Variants in BCL9L observed in about 807,000 individuals in gnomAD.
The protein encoded by BCL9L is B-cell CLL/lymphoma 9-like protein.
Under a neutral mutation model 99.4 loss-of-function variants are expected in BCL9L, and 19 were observed. The ratio of observed to expected loss-of-function variants is 0.19; its 90% CI spans 0.13 to 0.28. BCL9L has a LOEUF of 0.28. Among genes scored for constraint, BCL9L ranks in the 10% least tolerant of loss-of-function variants. The pLI is 1.00. For missense variants in BCL9L, 2,023 were observed against 2,101.6 expected (o/e 0.96, Z 0.73); for synonymous variants, 900 against 854.8 (o/e 1.05, Z -0.92).
At chr11:118,909,840 G>T (rs933951473) in intron 3 of BCL9L, 74 bp downstream of exon 3, 4 of 1,610,874 alleles carry the variant, frequency 2.5e-6, no homozygotes, top group Non-Finnish European at 3.4e-6. Context: ...CACAGCTTGG[G>T]CCCCATCACC....
intron 3 of BCL9L, 45 bp from the exon 4 acceptor site, chr11:118,908,700 G>C: frequency 6.5e-7 from 1 of 1,542,832 alleles, no homozygotes; most frequent in East Asian, 2.3e-5. Context: ...CTTGCTAGGG[G>C]CTAGGCATGC....
In BCL9L at chr11:118,898,271, C is replaced by T. The variant is rs1940005873; in HGVS notation, c.*144G>A. ...CTAAGCTGCCAGCACATCTGGTTTC[C>T]ACAAATGCCACTCCCTACACAAGCC... On this transcript the variant is annotated 3_prime_UTR_variant, in exon 10 of 10. Coordinates refer to ENST00000683865, the MANE Select transcript of BCL9L (RefSeq NM_001378213.1). The T allele has an allele frequency of 9.2e-6, 10 of 1,083,396 alleles. No homozygotes were observed. In the South Asian group the frequency reaches 1.7e-4, roughly 18 times the overall value. The allele number at this position is 1,083,396 out of a possible 1,614,324, so 67.1% of individuals were successfully genotyped here. A position where few individuals can be genotyped will look rare whatever the true frequency, so the allele number is the denominator to read the frequency against.
intron 2 of BCL9L, among the ~76,000 whole-genome samples, chr11:118,913,705 C>G (rs566260353): frequency 6.7e-6 from 1 of 149,782 alleles, no homozygotes; most frequent in African/African-American, 2.5e-5. Context: ...GCCCAAGGCT[C>G]TGGGAGAGAG....
At position 118,898,304 on chromosome 11, in the gene BCL9L, A is replaced by ACCCCCCCCCCCCCCCCCCCCCCCC; in HGVS notation, c.*110_*111insGGGGGGGGGGGGGGGGGGGGGGGG. ...CCACTCCCTACACAAGCCCCCTCCCACCCCCTCCACCCCACCCCGCGACCC... is the reference window on the plus strand; with the variant it reads ...CCACTCCCTACACAAGCCCCCTCCCACCCCCCCCCCCCCCCCCCCCCCCCCCCCCTCCACCCCACCCCGCGACCC... On this transcript the variant is annotated 3_prime_UTR_variant, in exon 10 of 10. Transcript: ENST00000683865. 1.0e-5 allele frequency: 2 copies of ACCCCCCCCCCCCCCCCCCCCCCCC among 193,448 alleles called. No homozygotes were observed. Among genetic ancestry groups the ACCCCCCCCCCCCCCCCCCCCCCCC allele is most frequent in the Non-Finnish European group, 9.2e-6 (1 of 108,398 alleles). 12.0% of individuals were successfully genotyped at this position (193,448 alleles called of 1,614,324 possible). A position where few individuals can be genotyped will look rare whatever the true frequency, so the allele number is the denominator to read the frequency against.
rs369209465 is a variant in BCL9L at position 118,900,733 on chromosome 11, A to T, written c.3010T>A (p.Ser1004Thr). The change falls in exon 8 of 10, where the codon TCT becomes ACT. Residue 1004 changes from serine to threonine, a missense_variant. This residue lies in a region of BCL9L where 902 missense variants were observed against 888.2 expected (regional missense o/e 1.02). Transcript: ENST00000683865. This position sits in a 1 kb window ranked among gnomAD's most constrained non-coding sequence, Gnocchi z 5.3. ...RLKSPSMAVP[S>T]PGWVASPKTA... ...TTAGGTGAGGCAACCCAGCCTGGAG[A>T]AGGCACCGCCATGGAAGGAGACTTG... 2 of 1,613,700 alleles carry T rather than the reference A, an allele frequency of 1.2e-6. No individual in the cohort carries two copies. Among genetic ancestry groups the T allele is most frequent in the African/African-American group, 2.7e-5 (2 of 74,900 alleles).
intron 1 of BCL9L, among the ~76,000 whole-genome samples, chr11:118,919,987 C>T (rs1229794951): frequency 6.6e-6 from 1 of 152,168 alleles, no homozygotes; most frequent in African/African-American, 2.4e-5. Context: ...AACCTGTACC[C>T]CTCCCTTCCT....
At chr11:118,904,369 G>A (rs1456230314) in intron 5 of BCL9L, among the ~76,000 whole-genome samples, 1 of 151,140 alleles carries the variant, frequency 6.6e-6, no homozygotes, top group East Asian at 1.9e-4. Context: ...GAACTTAGGA[G>A]GTGGAAGTTG....
In BCL9L at chr11:118,896,256, G is replaced by T. The variant is rs1939914889; in HGVS notation, c.*2159C>A. ...GTTTCAAAATAAAAACCAAGAAGAT[G>T]TCTTCACATATTGTATTTATATATT... On this transcript the variant is annotated 3_prime_UTR_variant, in exon 10 of 10. Coordinates refer to ENST00000683865, the MANE Select transcript of BCL9L (RefSeq NM_001378213.1). The T allele has an allele frequency of 6.0e-6, 1 of 165,792 alleles. No homozygotes were observed. Among genetic ancestry groups the T allele is most frequent in the African/African-American group, 2.4e-5 (1 of 41,274 alleles). 10.3% of individuals were successfully genotyped at this position (165,792 alleles called of 1,614,324 possible).
rs1324106766 is a variant in BCL9L, at chr11:118,897,682, A to G, written c.*733T>C. On this transcript the variant is annotated 3_prime_UTR_variant, in exon 10 of 10. Coordinates refer to ENST00000683865, the MANE Select transcript of BCL9L (RefSeq NM_001378213.1). ...CACTGCAAACAGTGGGTGGCCATGT[A>G]GGGCTGCATGTCCCTGGGTCCAGGG... 1 of 421,664 alleles carries G rather than the reference A, an allele frequency of 2.4e-6. No individual in the cohort carries two copies. Among genetic ancestry groups the G allele is most frequent in the Non-Finnish European group, 4.7e-6 (1 of 213,818 alleles). The allele number at this position is 421,664 out of a possible 1,614,324, so 26.1% of individuals were successfully genotyped here. A position where few individuals can be genotyped will look rare whatever the true frequency, so the allele number is the denominator to read the frequency against.
chr11:118,915,443 C>T (rs936973584), intron 2 of BCL9L, among the ~76,000 whole-genome samples: 1 of 152,212 alleles, frequency 6.6e-6, no homozygotes, highest in Admixed American at 6.5e-5. Context: ...AGAACAGGGC[C>T]TGTGGGCATC....
intron 4 of BCL9L, 94 bp downstream of exon 4, chr11:118,908,176 T>A: frequency 1.4e-6 from 2 of 1,469,608 alleles, no homozygotes; most frequent in Non-Finnish European, 1.8e-6. Flanking sequence ...GGATGAGGAC[T>A]GGACAAGCAG....
chr11:118,917,040 C>T (rs1395489838), intron 2 of BCL9L, among the ~76,000 whole-genome samples: 8 of 152,208 alleles, frequency 5.3e-5, no homozygotes, highest in Admixed American at 2.0e-4. Flanking sequence ...GCGAGGGAGA[C>T]GTGTCCTAAG....
chr11:118,908,752 G>A, intron 3 of BCL9L, 97 bp from the exon 4 acceptor site: 2 of 993,566 alleles, frequency 2.0e-6, no homozygotes, highest in South Asian at 3.2e-5. Context: ...TAACAATGGG[G>A]GAGGGTGGGG....
At position 118,898,373 on chromosome 11, in the gene BCL9L, G is replaced by GT. The variant is rs1230934988; in HGVS notation, c.*41dup. The GT allele has an allele frequency of 1.3e-6, 2 of 1,528,394 alleles. No individual in the cohort carries two copies. The highest frequency in any genetic ancestry group is 1.8e-6 in the Non-Finnish European group (2 of 1,129,050). 94.7% of individuals were successfully genotyped at this position (1,528,394 alleles called of 1,614,324 possible). ...GGGGAAGAACTTTGTTAAGGTTATC[G>GT]TATTTGCAACATTGCCCCGGCTCCA... On this transcript the variant is annotated 3_prime_UTR_variant, in exon 10 of 10. Transcript: ENST00000683865.
At position 118,922,263 on chromosome 11, in the gene BCL9L, G is replaced by A. The variant is rs115335029; in HGVS notation, c.-131+2975C>T. ...AGTCCAGGCAGCCTTCAGGGCCGCC[G>A]AGCCAAGTGACATGCACCAGCTCAG... On this transcript the variant is annotated intron_variant, in intron 1 of 9. Coordinates refer to ENST00000683865, the MANE Select transcript of BCL9L (RefSeq NM_001378213.1). This position sits in a 1 kb window ranked among gnomAD's most constrained non-coding sequence, Gnocchi z 6.2. 0.011 allele frequency among the ~76,000 whole-genome samples: 1,668 copies of A among 152,288 alleles called. 33 individuals carry two copies. The highest frequency in any genetic ancestry group is 0.038 in the African/African-American group (1,599 of 41,558).
chr11:118,912,892 C>G (rs969523488), intron 2 of BCL9L, among the ~76,000 whole-genome samples: 3 of 152,174 alleles, frequency 2.0e-5, no homozygotes, highest in African/African-American at 7.2e-5. Flanking sequence ...TGGCCTCTGG[C>G]TCAGGGAGAT....
chr11:118,924,254 G>A (rs1941223616), intron 1 of BCL9L, among the ~76,000 whole-genome samples: 1 of 151,904 alleles, frequency 6.6e-6, no homozygotes, highest in Admixed American at 6.6e-5. Flanking sequence ...CCTTTGTGAG[G>A]GCTCAAACAC....
intron 5 of BCL9L, among the ~76,000 whole-genome samples, chr11:118,905,398 A>C (rs1244646946): frequency 1.3e-5 from 2 of 151,712 alleles, no homozygotes; most frequent in Admixed American, 1.3e-4. Context: ...AATCCCAGCT[A>C]CTTGGGAGGC....
intron 2 of BCL9L, among the ~76,000 whole-genome samples, chr11:118,913,855 T>A (rs1591997747): frequency 6.6e-6 from 1 of 152,156 alleles, no homozygotes; most frequent in African/African-American, 2.4e-5. Context: ...CTGGCAGGGA[T>A]GGTGCTGCCT....
Sources: allele counts gnomAD v4.1 joint callset (sites outside exome capture counted in the v4.1 genomes callset), GRCh38; gene constraint gnomAD v4.1.1; regional missense constraint gnomAD v4.1.1; non-coding constraint Gnocchi (gnomAD v3.1); transcripts MANE v1.5; gene names NCBI Gene and HGNC (gene_info 2026-07-23, HGNC 2026-07-21).